Variants in SYNPO2 observed in about 807,000 individuals in gnomAD.
SYNPO2 encodes synaptopodin-2.
SYNPO2 carries 56 observed loss-of-function variants against 85.0 expected under a neutral mutation model. That is an observed-to-expected ratio of 0.66 (90% CI 0.53 to 0.82). The LOEUF is 0.82. SYNPO2 is among the 40% of genes least tolerant of loss of function. SYNPO2 has a pLI of 0.00. For missense variants in SYNPO2, 1,575 were observed against 1,534.2 expected, an observed-to-expected ratio of 1.03 and a Z score of -0.44; for synonymous variants, 602 against 591.1, an observed-to-expected ratio of 1.02 and a Z score of -0.27.
At chr4:119,013,242 C>T (rs1737399959) in intron 1 of SYNPO2, among the ~76,000 whole-genome samples, 1 of 152,072 alleles carries the variant, frequency 6.6e-6, no homozygotes, top group Non-Finnish European at 1.5e-5. Flanking sequence ...ATACATTTGG[C>T]TTAAAAAACA....
In SYNPO2 at chr4:119,030,985, G is replaced by C. The variant is rs147039167; in HGVS notation, c.2210G>C (p.Ser737Thr). 10 of 1,614,038 alleles carry C rather than the reference G, an allele frequency of 6.2e-6. No individual in the cohort carries two copies. The highest frequency in any genetic ancestry group is 1.6e-4 in the Middle Eastern group (1 of 6,084). Residue 737 changes from serine (S) to threonine (T), a missense_variant, in exon 4 of 5, where the codon AGC becomes ACC. Around this residue, in one of 3 missense-constraint regions of SYNPO2, gnomAD observed 1,508 missense variants for 1,446.8 expected, o/e 1.04. Transcript: ENST00000307142. The stretch of plus-strand genomic sequence containing the variant: ...TCCGGACCGGAAGAAGACTACCTCA[G>C]CTTGGGGGCAGAGGCTTGTAATTTC... The part of the protein sequence containing the change: ...GDSGPEEDYL[S>T]LGAEACNFMQ...
chr4:118,961,027 A>G (rs182347452), intron 1 of SYNPO2, among the ~76,000 whole-genome samples: 57 of 151,336 alleles, frequency 3.8e-4, no homozygotes, highest in Non-Finnish European at 4.4e-5. Flanking sequence ...CTAGCTTCCT[A>G]TCGCCCCTAA....
chr4:118,865,590 T>C (rs1185054571), intron 1 of SYNPO2, among the ~76,000 whole-genome samples: 1 of 152,222 alleles, frequency 6.6e-6, no homozygotes, highest in Non-Finnish European at 1.5e-5. Flanking sequence ...ATCTTTGTTT[T>C]ATGGTTGAGA....
At chr4:118,976,832 C>A (rs1382367161) in intron 1 of SYNPO2, among the ~76,000 whole-genome samples, 7 of 151,444 alleles carry the variant, frequency 4.6e-5, no homozygotes, top group South Asian at 2.1e-4. Flanking sequence ...AGGTTCTCCA[C>A]GTCCTCACCA....
Position 119,029,834 on chromosome 4 carries a change from G to C in SYNPO2, c.1070-11G>C. On this transcript the variant is annotated splice_polypyrimidine_tract_variant and intron_variant, in intron 3 of 4. Transcript: ENST00000307142. ...AGCTCAATATAATTTTTTTTTTTTT[G>C]CTTTCCCTAGGGCTCAGGAGGAGTG... 1 of 1,303,338 alleles carries C rather than the reference G, an allele frequency of 7.7e-7. No homozygotes were observed. Among genetic ancestry groups the C allele is most frequent in the East Asian group, 2.8e-5 (1 of 35,378 alleles). 80.7% of individuals were successfully genotyped at this position (1,303,338 alleles called of 1,614,324 possible). A position where few individuals can be genotyped will look rare whatever the true frequency, so the allele number is the denominator to read the frequency against.
chr4:119,029,643 A>G (rs1436473065), intron 3 of SYNPO2, among the ~76,000 whole-genome samples: 2 of 152,176 alleles, frequency 1.3e-5, no homozygotes, highest in Non-Finnish European at 2.9e-5. Context: ...TATGTAAACA[A>G]ATAGAACAGT....
upstream of SYNPO2, among the ~76,000 whole-genome samples, chr4:118,886,007 TACA>T (rs972846338): frequency 3.9e-5 from 6 of 152,078 alleles, no homozygotes; most frequent in Non-Finnish European, 7.4e-5. Flanking sequence ...TGAAAATAAA[TACA>T]ACATTATATT....
intron 1 of SYNPO2, among the ~76,000 whole-genome samples, chr4:118,881,463 A>G (rs1045063658): frequency 1.3e-5 from 2 of 152,104 alleles, no homozygotes; most frequent in Non-Finnish European, 2.9e-5. Flanking sequence ...CAGACCCCCA[A>G]ATGTGAAAGA....
At chr4:118,951,695 C>T (rs1483997417) in intron 1 of SYNPO2, among the ~76,000 whole-genome samples, 1 of 152,084 alleles carries the variant, frequency 6.6e-6, no homozygotes, top group Admixed American at 6.6e-5. Context: ...AAATCTAACC[C>T]AGGTATTTAG....
At chr4:119,016,282 C>T (rs924620886) in intron 1 of SYNPO2, among the ~76,000 whole-genome samples, 4 of 151,948 alleles carry the variant, frequency 2.6e-5, no homozygotes, top group South Asian at 2.1e-4. Flanking sequence ...ATTAGCTGTG[C>T]GTGGTGGTGG....
At chr4:118,925,845 A>G (rs1249328884) in intron 1 of SYNPO2, among the ~76,000 whole-genome samples, 1 of 132,876 alleles carries the variant, frequency 7.5e-6, no homozygotes, top group South Asian at 2.3e-4. Flanking sequence ...CAATTACAGT[A>G]TAGAGTTGGT....
chr4:118,909,450 C>G (rs985188329), intron 1 of SYNPO2, among the ~76,000 whole-genome samples: 4 of 152,124 alleles, frequency 2.6e-5, no homozygotes, highest in African/African-American at 9.7e-5. Context: ...TGGACTTGCC[C>G]AGGAACACTC....
chr4:118,931,357 C>T (rs1578561371), intron 1 of SYNPO2, among the ~76,000 whole-genome samples: 1 of 152,250 alleles, frequency 6.6e-6, no homozygotes, highest in East Asian at 1.9e-4. Flanking sequence ...AACTATTATA[C>T]TACTGACATT....
intron 1 of SYNPO2, among the ~76,000 whole-genome samples, chr4:118,877,169 G>T (rs771264850): frequency 1.3e-5 from 2 of 152,050 alleles, no homozygotes; most frequent in African/African-American, 4.8e-5. Context: ...TTTTCAGTTT[G>T]CTCAAGAATC....
At chr4:118,861,874 T>C (rs1252490762) in intron 1 of SYNPO2, among the ~76,000 whole-genome samples, 2 of 152,186 alleles carry the variant, frequency 1.3e-5, no homozygotes, top group Non-Finnish European at 2.9e-5. Flanking sequence ...TCTATTTCTG[T>C]GGAAAATGTT....
At chr4:118,864,185 A>G (rs985299349) in intron 1 of SYNPO2, among the ~76,000 whole-genome samples, 2 of 152,112 alleles carry the variant, frequency 1.3e-5, no homozygotes, top group African/African-American at 4.8e-5. Context: ...AAATGTTTAA[A>G]TTTCTTTCTT....
intron 1 of SYNPO2, among the ~76,000 whole-genome samples, chr4:118,860,776 C>T (rs1287265898): frequency 4.6e-5 from 7 of 151,936 alleles, no homozygotes; most frequent in Admixed American, 1.3e-4. Flanking sequence ...AGGATGGTTT[C>T]GATCTCTTGA....
At chr4:118,933,874 AG>A (rs1409913197) in intron 1 of SYNPO2, among the ~76,000 whole-genome samples, 1 of 149,162 alleles carries the variant, frequency 6.7e-6, no homozygotes, top group African/African-American at 2.5e-5. Flanking sequence ...GGAGAAAAAA[AG>A]GATTGAGTTT....
At chr4:118,939,437 T>C (rs1565475) in intron 1 of SYNPO2, among the ~76,000 whole-genome samples, 114,439 of 152,136 alleles carry the variant, frequency 0.75, 44,726 homozygotes, top group South Asian at 0.89. Flanking sequence ...TCTTGCTTAC[T>C]CCAACAAAGA....
Sources: allele counts gnomAD v4.1 joint callset (sites outside exome capture counted in the v4.1 genomes callset), GRCh38; gene constraint gnomAD v4.1.1; regional missense constraint gnomAD v4.1.1; transcripts MANE v1.5; gene names NCBI Gene and HGNC (gene_info 2026-07-23, HGNC 2026-07-21).